IL12RB1: variants seen among roughly 807,000 people sequenced by gnomAD.
IL12RB1 encodes the protein interleukin 12 receptor subunit beta 1.
Under a neutral mutation model 94.4 loss-of-function variants are expected in IL12RB1, and 64 were observed. The ratio of observed to expected loss-of-function variants is 0.68; its 90% CI spans 0.55 to 0.83. The LOEUF is 0.83. Among genes scored for constraint, IL12RB1 ranks in the 40% least tolerant of loss-of-function variants. The pLI is 0.00. For synonymous variants in IL12RB1, 362 were observed against 355.5 expected, an observed-to-expected ratio of 1.02 and a Z score of -0.21; for missense variants, 814 against 855.6, an observed-to-expected ratio of 0.95 and a Z score of 0.61.
intron 13 of IL12RB1, 89 bp downstream of exon 13, chr19:18,063,769 GGAGCCATAGAGGGAGTGA>G (rs2034348251): frequency 9.9e-7 from 1 of 1,010,104 alleles, no homozygotes; most frequent in Non-Finnish European, 1.4e-6. Flanking sequence ...AGGGCAGTAG[GGAGCCATAGAGGGAGTGA>G]GAGTGAGGGC....
intron 13 of IL12RB1, among the ~76,000 whole-genome samples, chr19:18,062,890 C>T (rs1020124244): frequency 1.3e-5 from 2 of 151,658 alleles, no homozygotes; most frequent in Admixed American, 6.6e-5. Flanking sequence ...TCTCTGGGTT[C>T]CAGTTGGTTC....
chr19:18,086,523 T>G (rs2036352681), intron 1 of IL12RB1, among the ~76,000 whole-genome samples: 1 of 152,122 alleles, frequency 6.6e-6, no homozygotes, highest in Non-Finnish European at 1.5e-5. Flanking sequence ...TTTTTCTCAT[T>G]GAACTCCGGG....
At chr19:18,091,209 T>C (rs774664943), upstream of IL12RB1, among the ~76,000 whole-genome samples, 5 of 152,186 alleles carry the variant, frequency 3.3e-5, 1 homozygote, top group Admixed American at 1.3e-4. Context: ...ACATCCCACC[T>C]TCCCCTTGCC....
At chr19:18,071,449 G>T in intron 9 of IL12RB1, 1 of 512,168 alleles carries the variant, frequency 2.0e-6, no homozygotes, top group Admixed American at 3.4e-5. Context: ...CTATCAACCA[G>T]GGTGGAGCGC....
chr19:18,077,255 G>C (rs769383690), intron 5 of IL12RB1, among the ~76,000 whole-genome samples: 32 of 152,010 alleles, frequency 2.1e-4, no homozygotes, highest in Admixed American at 2.0e-3. Flanking sequence ...CCAGCTACTC[G>C]GGAGGCTGAC....
chr19:18,073,980 A>C (rs927562513), intron 7 of IL12RB1, among the ~76,000 whole-genome samples: 2 of 152,006 alleles, frequency 1.3e-5, no homozygotes, highest in Admixed American at 6.6e-5. Flanking sequence ...ATGCACCACC[A>C]TGTCCGGCTA....
intron 1 of IL12RB1, among the ~76,000 whole-genome samples, chr19:18,096,195 T>TAG (rs2036915092): frequency 6.6e-6 from 1 of 151,916 alleles, no homozygotes; most frequent in East Asian, 1.9e-4. Context: ...TGAGACAAGA[T>TAG]TGCACCACTG....
chr19:18,097,709 G>T (rs1642049009), intron 1 of IL12RB1: 2 of 892,066 alleles, frequency 2.2e-6, no homozygotes, highest in South Asian at 5.4e-5. Flanking sequence ...TCAGCTGACC[G>T]GCCTGGCCAA....
intron 6 of IL12RB1, 80 bp downstream of exon 6, chr19:18,076,217 A>G (rs2035467386): frequency 5.0e-6 from 4 of 802,806 alleles, no homozygotes; most frequent in Non-Finnish European, 9.1e-6. Context: ...AAAATTCAGC[A>G]TTGGACCTGG....
chr19:18,084,791 C>T (rs1158779316), intron 1 of IL12RB1, among the ~76,000 whole-genome samples: 1 of 152,224 alleles, frequency 6.6e-6, no homozygotes. Flanking sequence ...CTTTAGTCCT[C>T]AGAGGTTGAG....
At chr19:18,077,416 G>T (rs2035568126) in intron 5 of IL12RB1, 100 bp downstream of exon 5, 2 of 912,218 alleles carry the variant, frequency 2.2e-6, no homozygotes, top group Non-Finnish European at 3.5e-6. Context: ...GTGGGGGCTG[G>T]TTGGGAGCGG....
chr19:18,066,548 CCTGTTTG>C lies in IL12RB1; in HGVS notation c.1470_1476del (p.Ser490ArgfsTer23). 1 of 1,612,230 alleles carries C rather than the reference CCTGTTTG, an allele frequency of 6.2e-7. No individual in the cohort carries two copies. The highest frequency in any genetic ancestry group is 8.5e-7 in the Non-Finnish European group (1 of 1,178,554). On this transcript the variant is annotated frameshift_variant, in exon 12 of 17. Coordinates refer to ENST00000593993, the MANE Select transcript of IL12RB1 (RefSeq NM_005535.3). LOFTEE classifies it high-confidence loss of function. ...TCTGCACTGCCTCACGTACCTGACA[CCTGTTTG>C]CTGTCTTCATCTCGGCAGCGGACAA...
upstream of IL12RB1, among the ~76,000 whole-genome samples, chr19:18,089,188 C>T (rs996294956): frequency 4.6e-5 from 7 of 151,806 alleles, no homozygotes; most frequent in Non-Finnish European, 1.0e-4. Context: ...TTGTCAGGGG[C>T]TGGGGGGAGG....
In IL12RB1 at chr19:18,072,149, C is replaced by T. The variant is rs867050251; in HGVS notation, c.984G>A (p.Leu328=). ...CGGCAGGAATGTGCCACGTCTGGTT[C>T]AGGCCAGGACCAAATTGGTTCGAGG... The part of the protein sequence containing the change: ...VISSNQFGPG[L]NQTWHIPADT... Residue 328 remains leucine (L), a synonymous_variant, in exon 9 of 17, where the codon CTG becomes CTA. Coordinates refer to ENST00000593993, the MANE Select transcript of IL12RB1 (RefSeq NM_005535.3). 1 of 1,614,128 alleles carries T rather than the reference C, an allele frequency of 6.2e-7. No homozygotes were observed. The highest frequency in any genetic ancestry group is 1.7e-5 in the Admixed American group (1 of 60,016).
chr19:18,075,048 T>C (rs2035354431), intron 7 of IL12RB1, among the ~76,000 whole-genome samples: 2 of 147,706 alleles, frequency 1.4e-5, no homozygotes, highest in Non-Finnish European at 1.5e-5. Context: ...TGAGACTCCG[T>C]CTCAAAAAAA....
At chr19:18,061,288 T>C (rs2034108539) in intron 14 of IL12RB1, 91 bp from the exon 15 acceptor site, 1 of 651,992 alleles carries the variant, frequency 1.5e-6, no homozygotes, top group African/African-American at 1.9e-5. Context: ...TGGAGTGCAG[T>C]GGCGCGATCT....
rs2035089857 is a variant in IL12RB1, at chr19:18,072,000, A to G, written c.1021+112T>C. 4 of 756,120 alleles carry G rather than the reference A, an allele frequency of 5.3e-6. No homozygotes were observed. In the Admixed American group the frequency reaches 7.7e-5, roughly 15 times the overall value. The allele number at this position is 756,120 out of a possible 1,614,324, so 46.8% of individuals were successfully genotyped here. On this transcript the variant is annotated intron_variant, in intron 9 of 16. Transcript: ENST00000593993. ...TTTTTGATACACCCCTAAATCAGGC[A>G]CTCCTTTAAAATTTTCTGCCTCGCT...
upstream of IL12RB1, among the ~76,000 whole-genome samples, chr19:18,088,319 G>A (rs977934367): frequency 2.0e-5 from 3 of 151,564 alleles, no homozygotes; most frequent in Non-Finnish European, 4.4e-5. Flanking sequence ...CCAGGAGGTG[G>A]AGGTTGCAGT....
chr19:18,083,345 G>C (rs2036046165), intron 2 of IL12RB1, 87 bp downstream of exon 2: 4 of 1,226,700 alleles, frequency 3.3e-6, no homozygotes, highest in South Asian at 1.2e-5. Flanking sequence ...TTGGCCTGGT[G>C]GTGGAGGCCA....
Sources: allele counts gnomAD v4.1 joint callset (sites outside exome capture counted in the v4.1 genomes callset), GRCh38; gene constraint gnomAD v4.1.1; transcripts MANE v1.5; gene names NCBI Gene and HGNC (gene_info 2026-07-23, HGNC 2026-07-21).